The following PDE4D variants were observed in gnomAD, a reference collection of about 807,000 sequenced individuals.
PDE4D encodes the protein phosphodiesterase 4D, also known as 3',5'-cyclic-AMP phosphodiesterase 4D.
A neutral mutation model predicts 87.4 loss-of-function variants in PDE4D; 24 were observed. The observed-to-expected ratio is 0.27, with a 90% CI of 0.20 to 0.39. The LOEUF (loss-of-function observed/expected upper bound fraction) is 0.39, where lower values mean the gene tolerates loss of function less well. Ranked by LOEUF, PDE4D falls within the 10% of genes least tolerant of loss-of-function variation. The pLI, the probability that PDE4D is intolerant of heterozygous loss-of-function variation, is 1.00. For synonymous variants in PDE4D, 384 were observed against 383.2 expected (o/e 1.00, Z -0.02); for missense variants, 714 against 1,041.0 (o/e 0.69, Z 4.32).
Position 59,038,737 on chromosome 5 carries a change from G to A in PDE4D, c.921+122C>T, listed in dbSNP as rs192676081. Reference sequence around the variant, plus strand: ...GAACCTCCCTCTAAGGAGCAGAATAGCCAACATGCAGTAAGCCTAAAAAAC... The same window carrying A: ...GAACCTCCCTCTAAGGAGCAGAATAACCAACATGCAGTAAGCCTAAAAAAC... On this transcript the variant is annotated intron_variant, in intron 6 of 14. Coordinates refer to ENST00000340635, the MANE Select transcript of PDE4D (RefSeq NM_001104631.2). 4.0e-3 allele frequency: 3,649 copies of A among 920,378 alleles called. 13 individuals are homozygous for A. The highest frequency in any genetic ancestry group is 4.8e-3 in the Non-Finnish European group (3,076 of 643,748). The allele number at this position is 920,378 out of a possible 1,614,324, so 57.0% of individuals were successfully genotyped here.
At chr5:60,269,893 T>C (rs554349873) in intron 1 of PDE4D, among the ~76,000 whole-genome samples, 1 of 152,326 alleles carries the variant, frequency 6.6e-6, no homozygotes, top group African/African-American at 2.4e-5. Flanking sequence ...TCAATATTTA[T>C]CTTATGATAG....
At chr5:59,664,678 G>A (rs769344714) in intron 1 of PDE4D, among the ~76,000 whole-genome samples, 15 of 152,284 alleles carry the variant, frequency 9.9e-5, no homozygotes, top group South Asian at 2.1e-4. Context: ...ATTTGAAAAT[G>A]TCTAGCAGAG....
At chr5:59,238,773 T>A (rs1471429) in intron 1 of PDE4D, among the ~76,000 whole-genome samples, 48,288 of 152,068 alleles carry the variant, frequency 0.32, 8,171 homozygotes, top group Admixed American at 0.41. Context: ...ACACTACCTA[T>A]AATGTCAAAA....
At chr5:60,391,234 A>G (rs1762541981) in intron 1 of PDE4D, among the ~76,000 whole-genome samples, 1 of 152,188 alleles carries the variant, frequency 6.6e-6, no homozygotes. Flanking sequence ...GATCTAACCT[A>G]TAACATCCCC....
chr5:59,745,383 G>A (rs550099379), intron 1 of PDE4D, among the ~76,000 whole-genome samples: 1 of 152,154 alleles, frequency 6.6e-6, no homozygotes, highest in African/African-American at 2.4e-5. Context: ...TCAAATTGAC[G>A]CTATGCCTCT....
At chr5:60,486,030 T>A (rs1322399826) in intron 1 of PDE4D, among the ~76,000 whole-genome samples, 2 of 152,192 alleles carry the variant, frequency 1.3e-5, no homozygotes, top group Non-Finnish European at 2.9e-5. Flanking sequence ...CAAGGTAATG[T>A]AAACAATGAA....
chr5:59,461,693 T>C (rs1800808834), intron 1 of PDE4D, among the ~76,000 whole-genome samples: 2 of 152,212 alleles, frequency 1.3e-5, no homozygotes, highest in Non-Finnish European at 2.9e-5. Context: ...GGTTTATTTG[T>C]GTAGGCTTCA....
intron 2 of PDE4D, among the ~76,000 whole-genome samples, chr5:60,077,172 C>G (rs1433984123): frequency 6.6e-6 from 1 of 152,174 alleles, no homozygotes; most frequent in African/African-American, 2.4e-5. Context: ...GGGCTCTGTG[C>G]CACCCAGTGC....
intron 2 of PDE4D, among the ~76,000 whole-genome samples, chr5:60,120,946 GC>G (rs1778622042): frequency 4.6e-5 from 7 of 152,074 alleles, no homozygotes; most frequent in Admixed American, 4.6e-4. Context: ...ATCTGAGTGG[GC>G]ACTATCTAAT....
intron 5 of PDE4D, among the ~76,000 whole-genome samples, chr5:59,095,640 T>C (rs1769568989): frequency 6.6e-6 from 1 of 152,184 alleles, no homozygotes; most frequent in Non-Finnish European, 1.5e-5. Context: ...TTTCCTCTGA[T>C]ATCACTTCAA....
intron 1 of PDE4D, among the ~76,000 whole-genome samples, chr5:59,241,261 T>C (rs1227781438): frequency 6.6e-6 from 1 of 152,206 alleles, no homozygotes; most frequent in Non-Finnish European, 1.5e-5. Flanking sequence ...TCTGCTACCC[T>C]GCCTGGCCCT....
chr5:59,674,555 C>T (rs931774659), intron 1 of PDE4D, among the ~76,000 whole-genome samples: 8 of 152,196 alleles, frequency 5.3e-5, no homozygotes, highest in Non-Finnish European at 5.9e-5. Flanking sequence ...TTCTGAGATA[C>T]TCTCTCTACA....
intron 1 of PDE4D, among the ~76,000 whole-genome samples, chr5:59,348,564 A>G (rs931144912): frequency 2.0e-5 from 3 of 148,476 alleles, no homozygotes; most frequent in African/African-American, 7.4e-5. Flanking sequence ...TTTTGTTTTT[A>G]TAGAGTTTAT....
intron 1 of PDE4D, among the ~76,000 whole-genome samples, chr5:60,403,914 C>A (rs1273276404): frequency 6.6e-6 from 1 of 152,188 alleles, no homozygotes; most frequent in African/African-American, 2.4e-5. Flanking sequence ...CAAACTGTTT[C>A]ATAAAACTTT....
intron 1 of PDE4D, among the ~76,000 whole-genome samples, chr5:59,752,842 A>G (rs1450116034): frequency 2.6e-5 from 4 of 152,196 alleles, no homozygotes; most frequent in African/African-American, 9.6e-5. Flanking sequence ...AATAACACAT[A>G]GGGTTGCAGA....
At position 60,005,173 on chromosome 5, in the gene PDE4D, ACAT is replaced by A. The variant is rs1764356612; in HGVS notation, c.43-16459_43-16457del. On this transcript the variant is annotated intron_variant, in intron 2 of 16. Transcript: ENST00000502484. ...GAGAAAACATGGATAAACCTGGAGG[ACAT>A]TATGCTAACTGAAATAAACCAGACA... Among the ~76,000 whole-genome samples the A allele has an allele frequency of 2.0e-5, 3 of 152,254 alleles. No homozygotes were observed. In the South Asian group the frequency reaches 6.2e-4, roughly 32 times the overall value.
At chr5:60,043,068 C>G (rs1768708264) in intron 2 of PDE4D, among the ~76,000 whole-genome samples, 1 of 150,268 alleles carries the variant, frequency 6.7e-6, no homozygotes, top group African/African-American at 2.4e-5. Flanking sequence ...AGAGGAATTG[C>G]TAACTAGAAT....
intron 1 of PDE4D, among the ~76,000 whole-genome samples, chr5:60,258,745 G>A (rs1335690867): frequency 6.6e-6 from 1 of 151,836 alleles, no homozygotes; most frequent in Non-Finnish European, 1.5e-5. Context: ...AATTCTGTTA[G>A]TGAAAACTAT....
chr5:59,563,148 G>A (rs1283769971), intron 1 of PDE4D, among the ~76,000 whole-genome samples: 1 of 152,222 alleles, frequency 6.6e-6, no homozygotes, highest in East Asian at 1.9e-4. Flanking sequence ...AAGTGGCTGG[G>A]TGAGGTGGCA....
Sources: gnomAD v4.1 joint callset for allele counts (sites outside exome capture counted in the v4.1 genomes callset) on GRCh38, gnomAD v4.1.1 for gene constraint, MANE v1.5 for transcripts, NCBI Gene and HGNC (gene_info 2026-07-23, HGNC 2026-07-21) for gene names.